The following DPH6 variants were observed in gnomAD, a reference collection of about 807,000 sequenced individuals.
The protein encoded by DPH6 is diphthamine biosynthesis 6.
DPH6 carries 33 observed loss-of-function variants against 38.2 expected under a neutral mutation model. That is an observed-to-expected ratio of 0.86 (90% CI 0.65 to 1.15). The LOEUF (loss-of-function observed/expected upper bound fraction) is 1.15. Ranked by LOEUF, DPH6 falls within the 50% of genes most tolerant of loss-of-function variation. The probability of loss-of-function intolerance (pLI) is 0.00; values close to 1 mark genes in which losing one functional copy is unlikely to be tolerated. For missense variants in DPH6, 325 were observed against 320.0 expected (o/e 1.02, Z -0.12); for synonymous variants, 108 against 103.0 (o/e 1.05, Z -0.30).
intron 3 of DPH6, among the ~76,000 whole-genome samples, chr15:35,535,540 A>G (rs1276402412): frequency 6.6e-6 from 1 of 152,166 alleles, no homozygotes; most frequent in Admixed American, 6.5e-5. Flanking sequence ...CTATAGAGAT[A>G]TAGTGCTTAT....
intron 3 of DPH6, among the ~76,000 whole-genome samples, chr15:35,456,898 A>T (rs1226363153): frequency 6.6e-6 from 1 of 152,168 alleles, no homozygotes; most frequent in African/African-American, 2.4e-5. Flanking sequence ...TCTTCTTTGT[A>T]TACATGCATT....
intron 3 of DPH6, among the ~76,000 whole-genome samples, chr15:35,305,459 A>C (rs2052082841): frequency 6.6e-6 from 1 of 151,956 alleles, no homozygotes; most frequent in Non-Finnish European, 1.5e-5. Context: ...GATTCAAACC[A>C]CTTTAGTTTT....
At chr15:35,502,559 TATTAACATGA>T (rs1299529694) in intron 3 of DPH6, among the ~76,000 whole-genome samples, 1 of 151,948 alleles carries the variant, frequency 6.6e-6, no homozygotes, top group East Asian at 1.9e-4. Context: ...TTGTAATATA[TATTAACATGA>T]ACCAAGTGGT....
intron 6 of DPH6, among the ~76,000 whole-genome samples, chr15:35,382,244 G>T (rs1250963890): frequency 6.6e-6 from 1 of 152,124 alleles, no homozygotes; most frequent in Non-Finnish European, 1.5e-5. Flanking sequence ...GACCATCCTG[G>T]CTAACATGGT....
chr15:35,528,080 T>C (rs769580815), intron 3 of DPH6, among the ~76,000 whole-genome samples: 4 of 152,164 alleles, frequency 2.6e-5, no homozygotes, highest in Non-Finnish European at 4.4e-5. Flanking sequence ...AAATGTGTAA[T>C]TGCATATCAA....
chr15:35,351,154 T>C (rs1595494226), intron 3 of DPH6, among the ~76,000 whole-genome samples: 1 of 152,176 alleles, frequency 6.6e-6, no homozygotes, highest in South Asian at 2.1e-4. Context: ...TAAATCCTTA[T>C]ATGTTCTTCT....
chr15:35,445,554 T>C (rs773101695), intron 5 of DPH6, among the ~76,000 whole-genome samples: 2 of 152,124 alleles, frequency 1.3e-5, no homozygotes, highest in Non-Finnish European at 2.9e-5. Flanking sequence ...ATGAACCATG[T>C]AGCCTAGAAA....
intron 3 of DPH6, among the ~76,000 whole-genome samples, chr15:35,258,877 G>A (rs1414453848): frequency 1.3e-5 from 2 of 151,968 alleles, no homozygotes; most frequent in Non-Finnish European, 2.9e-5. Flanking sequence ...GGCCGGGCAC[G>A]GTGGCTCACA....
the DPH6 span, among the ~76,000 whole-genome samples, chr15:35,209,284 G>C: frequency 1.1e-4 from 16 of 152,000 alleles, no homozygotes; most frequent in Admixed American, 7.9e-4. Context: ...ACAGATTCTT[G>C]TTCCTTCTAT....
In DPH6 at chr15:35,239,152, C is replaced by G. The variant is rs1279679472; in HGVS notation, n.201-18570G>C. On this transcript the variant is annotated intron_variant and non_coding_transcript_variant, in intron 3 of 3. Coordinates refer to the DPH6 transcript ENST00000560386. The stretch of plus-strand genomic sequence containing the variant: ...TTGCTCCGTGAGAAAGATCCACCTA[C>G]GACCTCAGGTCCTCAGACCTACCAG... Among the ~76,000 whole-genome samples the G allele has an allele frequency of 4.2e-5, 6 of 143,934 alleles. 1 individual carries two copies. The highest frequency in any genetic ancestry group is 1.5e-4 in the African/African-American group (6 of 39,786). The allele number at this position is 143,934 out of a possible 152,430, so 94.4% of individuals were successfully genotyped here.
At chr15:35,306,755 C>A (rs1409662574) in intron 3 of DPH6, among the ~76,000 whole-genome samples, 1 of 152,176 alleles carries the variant, frequency 6.6e-6, no homozygotes, top group Non-Finnish European at 1.5e-5. Flanking sequence ...AAATAGGTTA[C>A]CTCCCTCAGT....
At chr15:35,203,687 G>A in the DPH6 span, among the ~76,000 whole-genome samples, 1 of 151,594 alleles carries the variant, frequency 6.6e-6, no homozygotes, top group Non-Finnish European at 1.5e-5. Context: ...GAGTATTTTA[G>A]CTATTAAATT....
chr15:35,498,874 G>A (rs968456774), intron 3 of DPH6, among the ~76,000 whole-genome samples: 1 of 149,256 alleles, frequency 6.7e-6, no homozygotes, highest in Admixed American at 6.7e-5. Flanking sequence ...TTGGGAGGCT[G>A]AGGTAGGAGA....
intron 3 of DPH6, among the ~76,000 whole-genome samples, chr15:35,464,872 T>C (rs943851007): frequency 6.6e-6 from 1 of 152,226 alleles, no homozygotes; most frequent in East Asian, 1.9e-4. Context: ...GTACCCCATG[T>C]TGTGTTATTC....
chr15:35,237,500 A>G, intron 3 of DPH6: 1 of 1,569,418 alleles, frequency 6.4e-7, no homozygotes, highest in Non-Finnish European at 8.8e-7. Flanking sequence ...CTCAACTGCA[A>G]ACTTACCGAA....
intron 6 of DPH6, chr15:35,401,779 G>C (rs2053223188): frequency 1.5e-6 from 1 of 647,096 alleles, no homozygotes. Context: ...TTACTGCCAG[G>C]AAACAAAGCT....
chr15:35,283,437 C>T (rs1566859151), intron 3 of DPH6, among the ~76,000 whole-genome samples: 1 of 151,934 alleles, frequency 6.6e-6, no homozygotes, highest in Non-Finnish European at 1.5e-5. Flanking sequence ...GCTGGGACCA[C>T]AGGCGCCCAC....
intron 3 of DPH6, among the ~76,000 whole-genome samples, chr15:35,243,818 TC>T (rs1331760345): frequency 6.6e-6 from 1 of 152,196 alleles, no homozygotes; most frequent in African/African-American, 2.4e-5. Context: ...GGTGGTCTCT[TC>T]CCACGGACGC....
At chr15:35,469,584 TGGCTTGGTCACTTGATAGAGAG>T (rs2054171181) in intron 3 of DPH6, among the ~76,000 whole-genome samples, 1 of 152,156 alleles carries the variant, frequency 6.6e-6, no homozygotes, top group Admixed American at 6.5e-5. Flanking sequence ...CCCAAGTGTT[TGGCTTGGTCACTTGATAGAGAG>T]CAATCACACT....
Sources: gnomAD v4.1 joint callset for allele counts (sites outside exome capture counted in the v4.1 genomes callset) on GRCh38, gnomAD v4.1.1 for gene constraint, MANE v1.5 for transcripts, NCBI Gene and HGNC (gene_info 2026-07-23, HGNC 2026-07-21) for gene names.